Variants in INPP5A observed in about 807,000 individuals in gnomAD.
INPP5A encodes inositol polyphosphate-5-phosphatase A.
INPP5A carries 14 observed loss-of-function variants against 65.2 expected under a neutral mutation model. The observed-to-expected ratio is 0.21, with a 90% confidence interval of 0.14 to 0.34. The LOEUF is 0.34. Among genes scored for constraint, INPP5A ranks in the 10% least tolerant of loss-of-function variants. INPP5A has a pLI of 1.00. For missense variants in INPP5A, 431 were observed against 545.6 expected, an observed-to-expected ratio of 0.79 and a Z score of 2.09; for synonymous variants, 207 against 208.3, an observed-to-expected ratio of 0.99 and a Z score of 0.05.
intron 9 of INPP5A, among the ~76,000 whole-genome samples, chr10:132,732,792 A>G (rs528122929): frequency 6.6e-6 from 1 of 152,234 alleles, no homozygotes; most frequent in African/African-American, 2.4e-5. Flanking sequence ...TGGGCCGCAG[A>G]CACGTGCAGG....
chr10:132,591,958 G>A (rs563995831), intron 1 of INPP5A, among the ~76,000 whole-genome samples: 52 of 152,328 alleles, frequency 3.4e-4, no homozygotes, highest in African/African-American at 1.2e-3. Flanking sequence ...AGGTGTCAGC[G>A]TGTGTGGGGT....
chr10:132,722,241 T>C (rs966742927), intron 8 of INPP5A, among the ~76,000 whole-genome samples: 3 of 152,204 alleles, frequency 2.0e-5, no homozygotes, highest in African/African-American at 7.2e-5. Context: ...CCTTTAAAAA[T>C]ACAGTGCCAA....
In INPP5A at chr10:132,675,795, T is replaced by A. The variant is rs1048976409; in HGVS notation, c.307-14597T>A. Among the ~76,000 whole-genome samples the A allele has an allele frequency of 6.6e-6, 1 of 152,186 alleles. No homozygotes were observed. The highest frequency in any genetic ancestry group is 2.4e-5 in the African/African-American group (1 of 41,446). ...TTAAAACTCAATTAAGGCTTTTGAG[T>A]AGAGTTTTATATGCCCTGAGCTTTT... On this transcript the variant is annotated intron_variant, in intron 4 of 15. Transcript: ENST00000368594. This position sits in a 1 kb window ranked among gnomAD's most constrained non-coding sequence, Gnocchi z 4.2.
chr10:132,615,950 T>A (rs1272983916), intron 2 of INPP5A, among the ~76,000 whole-genome samples: 3 of 152,134 alleles, frequency 2.0e-5, no homozygotes, highest in African/African-American at 7.2e-5. Flanking sequence ...CATGGCCTGG[T>A]GGGCCTGGCA....
At chr10:132,579,908 C>G (rs2071460631) in intron 1 of INPP5A, among the ~76,000 whole-genome samples, 1 of 146,326 alleles carries the variant, frequency 6.8e-6, no homozygotes, top group Non-Finnish European at 1.5e-5. Context: ...CATGCCTTGC[C>G]TGTTTAAAAG....
In INPP5A at chr10:132,708,293, G is replaced by A; in HGVS notation, c.475-20G>A. The A allele has an allele frequency of 6.2e-7, 1 of 1,613,550 alleles. No individual in the cohort carries two copies. The highest frequency in any genetic ancestry group is 8.5e-7 in the Non-Finnish European group (1 of 1,179,506). On this transcript the variant is annotated intron_variant, in intron 6 of 15. Coordinates refer to ENST00000368594, the MANE Select transcript of INPP5A (RefSeq NM_005539.5). ...TGCTCACTTACTCTGGCTCATTTGTGTGACGTGTTTATTTTTCAGTGCAAA... is the reference window on the plus strand; with the variant it reads ...TGCTCACTTACTCTGGCTCATTTGTATGACGTGTTTATTTTTCAGTGCAAA...
chr10:132,589,043 C>G (rs376622421), intron 1 of INPP5A, among the ~76,000 whole-genome samples: 2 of 152,118 alleles, frequency 1.3e-5, no homozygotes, highest in African/African-American at 4.8e-5. Context: ...GTCCCACGTT[C>G]TGGTGTGTGT....
At position 132,675,929 on chromosome 10, in the gene INPP5A, C is replaced by G. The variant is rs2072959018; in HGVS notation, c.307-14463C>G. ...TCCATAATGCACATAACCAGTTTCTCCAGAACATGTATACATGAAATGTAA... is the reference window on the plus strand; with the variant it reads ...TCCATAATGCACATAACCAGTTTCTGCAGAACATGTATACATGAAATGTAA... On this transcript the variant is annotated intron_variant, in intron 4 of 15. Transcript: ENST00000368594. This position sits in a 1 kb window ranked among gnomAD's most constrained non-coding sequence, Gnocchi z 4.2. Among the ~76,000 whole-genome samples, 1 of 152,032 alleles carries G rather than the reference C, an allele frequency of 6.6e-6. No homozygotes were observed. The highest frequency in any genetic ancestry group is 1.9e-4 in the East Asian group (1 of 5,188).
intron 2 of INPP5A, among the ~76,000 whole-genome samples, chr10:132,642,608 G>A (rs1209074908): frequency 1.3e-5 from 2 of 152,234 alleles, no homozygotes; most frequent in African/African-American, 4.8e-5. Flanking sequence ...GTCACTCCGG[G>A]AGCAGGGGTC....
intron 12 of INPP5A, among the ~76,000 whole-genome samples, chr10:132,774,866 AGGGGCAGGGAG>A (rs1304938189): frequency 1.1e-4 from 7 of 62,290 alleles, no homozygotes; most frequent in Admixed American, 2.0e-4. Context: ...GGCAGGGAGG[AGGGGCAGGGAG>A]GAGAGGCAGG....
chr10:132,597,594 A>G (rs182348856), intron 1 of INPP5A, among the ~76,000 whole-genome samples: 67 of 152,360 alleles, frequency 4.4e-4, no homozygotes, highest in Non-Finnish European at 8.8e-5. Flanking sequence ...TGTTGGGGAT[A>G]TGTTTATATG....
Position 132,559,297 on chromosome 10 carries a change from G to T in INPP5A, c.75+21126G>T, listed in dbSNP as rs544105194. On this transcript the variant is annotated intron_variant, in intron 1 of 15. Coordinates refer to ENST00000368594, the MANE Select transcript of INPP5A (RefSeq NM_005539.5). ...TGGTAAATCTGCCCCATCAGTGGGG[G>T]GTTAGTCCTGTCATTTGGGGAAGCC... Among the ~76,000 whole-genome samples, 84 of 152,300 alleles carry T rather than the reference G, an allele frequency of 5.5e-4. No homozygotes were observed. In the Middle Eastern group the frequency reaches 0.01, roughly 19 times the overall value.
chr10:132,691,935 G>A (rs1845273778), intron 5 of INPP5A, among the ~76,000 whole-genome samples: 5 of 151,950 alleles, frequency 3.3e-5, no homozygotes, highest in Admixed American at 2.6e-4. Flanking sequence ...GTGTGCGGTC[G>A]CGGGAGGCGT....
In INPP5A at chr10:132,783,045, T is replaced by C. The variant is rs1216546798; in HGVS notation, c.*1016T>C. ...GAAACTGCTTTTAACATGGGCTGTA[T>C]ATAAAAATATTAAAGAGAAACAAAA... On this transcript the variant is annotated 3_prime_UTR_variant, in exon 16 of 16. Coordinates refer to ENST00000368594, the MANE Select transcript of INPP5A (RefSeq NM_005539.5). 6.6e-6 allele frequency: 1 copy of C among 152,446 alleles called. No individual in the cohort carries two copies. Among genetic ancestry groups the C allele is most frequent in the Non-Finnish European group, 1.5e-5 (1 of 68,046 alleles). 9.4% of individuals were successfully genotyped at this position (152,446 alleles called of 1,614,324 possible).
intron 4 of INPP5A, among the ~76,000 whole-genome samples, chr10:132,662,591 G>A (rs1251787049): frequency 6.6e-6 from 1 of 152,194 alleles, no homozygotes; most frequent in Non-Finnish European, 1.5e-5. Flanking sequence ...CCGGGGAAGG[G>A]GTTGTGGTGG....
intron 4 of INPP5A, among the ~76,000 whole-genome samples, chr10:132,668,297 G>A (rs1015271697): frequency 2.0e-5 from 3 of 152,136 alleles, no homozygotes; most frequent in African/African-American, 7.2e-5. Flanking sequence ...TGATGGCCTC[G>A]GCCTCCTTTC....
chr10:132,559,666 C>T (rs983091486), intron 1 of INPP5A, among the ~76,000 whole-genome samples: 17 of 146,258 alleles, frequency 1.2e-4, no homozygotes, highest in African/African-American at 3.6e-4. Flanking sequence ...TTCCAGGGAC[C>T]TCAGTTACTC....
Position 132,710,373 on chromosome 10 carries a change from T to C in INPP5A, c.564T>C (p.Asp188=). ...TGGTGAATATCCATCTTTTCCATGA[T>C]GCTTCCAATCTGGTCGCCTGGGAAA... ...FDLVNIHLFH[D]ASNLVAWETS... Residue 188 remains aspartate (D), a synonymous_variant, in exon 8 of 16, where the codon GAT becomes GAC. Transcript: ENST00000368594. 1 of 1,614,206 alleles carries C rather than the reference T, an allele frequency of 6.2e-7. No individual in the cohort carries two copies. The highest frequency in any genetic ancestry group is 8.5e-7 in the Non-Finnish European group (1 of 1,180,040).
At chr10:132,689,769 G>A (rs1321985934) in intron 4 of INPP5A, among the ~76,000 whole-genome samples, 1 of 152,240 alleles carries the variant, frequency 6.6e-6, no homozygotes, top group South Asian at 2.1e-4. Flanking sequence ...GCCCTGTGGC[G>A]TCCAGCCGCG....
Sources: gnomAD v4.1 joint callset for allele counts (sites outside exome capture counted in the v4.1 genomes callset) on GRCh38, gnomAD v4.1.1 for gene constraint, Gnocchi (gnomAD v3.1) non-coding constraint, MANE v1.5 for transcripts, NCBI Gene and HGNC (gene_info 2026-07-23, HGNC 2026-07-21) for gene names.